The following ZFPM2 variants were observed in gnomAD, a reference collection of about 807,000 sequenced individuals.
ZFPM2 encodes zinc finger protein, FOG family member 2, also known as zinc finger protein ZFPM2.
Under a neutral mutation model 98.6 loss-of-function variants are expected in ZFPM2, and 20 were observed. The ratio of observed to expected loss-of-function variants is 0.20; its 90% CI spans 0.14 to 0.29. The LOEUF is 0.29. Ranked by LOEUF, ZFPM2 falls within the 10% of genes least tolerant of loss-of-function variation. The probability of loss-of-function intolerance (pLI) is 1.00; values close to 1 mark genes in which losing one functional copy is unlikely to be tolerated. For synonymous variants in ZFPM2, 518 were observed against 502.7 expected (o/e 1.03, Z -0.41); for missense variants, 1,310 against 1,388.6 (o/e 0.94, Z 0.90).
chr8:105,394,245 G>T (rs1016087413), intron 1 of ZFPM2, among the ~76,000 whole-genome samples: 2 of 152,074 alleles, frequency 1.3e-5, no homozygotes, highest in African/African-American at 4.8e-5. Context: ...TCCTGCAAGT[G>T]GGGAGTTTGG....
intron 2 of ZFPM2, among the ~76,000 whole-genome samples, chr8:105,425,779 C>T (rs1053278457): frequency 6.6e-6 from 1 of 152,258 alleles, no homozygotes; most frequent in Non-Finnish European, 1.5e-5. Flanking sequence ...CCTCCCTGCC[C>T]CTGGTCCCTG....
chr8:105,372,183 C>G (rs1810637208), intron 1 of ZFPM2, among the ~76,000 whole-genome samples: 1 of 152,016 alleles, frequency 6.6e-6, no homozygotes, highest in African/African-American at 2.4e-5. Flanking sequence ...GCTGGGACTA[C>G]AGGCACCTGC....
In ZFPM2 at chr8:105,788,826, T is replaced by G. The variant is rs1163765368; in HGVS notation, c.641T>G (p.Leu214Arg). Residue 214 changes from leucine to arginine, a missense_variant, in exon 6 of 8, where the codon CTC (leucine) becomes CGC (arginine). Physicochemically the swap from Leu to Arg is moderately radical, Grantham distance 102 (BLOSUM62 -2). Coordinates refer to ENST00000407775, the MANE Select transcript of ZFPM2 (RefSeq NM_012082.4). The stretch of plus-strand genomic sequence containing the variant: ...CTACAAGCTGCCAGTCAGATGACTC[T>G]CACAGAAGGGATGTACCCTGCACGC... ...SRLQAASQMT[L>R]TEGMYPARLL... 1.9e-6 allele frequency: 3 copies of G among 1,613,872 alleles called. No individual in the cohort carries two copies. Among genetic ancestry groups the G allele is most frequent in the Non-Finnish European group, 2.5e-6 (3 of 1,179,882 alleles).
intron 1 of ZFPM2, among the ~76,000 whole-genome samples, chr8:105,386,678 AC>A (rs1386886277): frequency 2.6e-5 from 4 of 151,984 alleles, no homozygotes; most frequent in African/African-American, 9.7e-5. Context: ...GTGGAAGGGG[AC>A]CCCAGCAGGT....
chr8:105,528,780 G>T (rs1201102140), intron 3 of ZFPM2: 1 of 152,056 alleles, frequency 6.6e-6, no homozygotes, highest in African/African-American at 2.4e-5. Context: ...AGGAAGAAGT[G>T]GAGATTCAAA....
intron 5 of ZFPM2, among the ~76,000 whole-genome samples, chr8:105,716,057 A>G (rs1436186444): frequency 6.6e-6 from 1 of 151,874 alleles, no homozygotes; most frequent in African/African-American, 2.4e-5. Context: ...TGCTGGCAGG[A>G]AAAAAGAATT....
At chr8:105,396,477 A>G (rs1413899032) in intron 1 of ZFPM2, among the ~76,000 whole-genome samples, 1 of 152,094 alleles carries the variant, frequency 6.6e-6, no homozygotes, top group Admixed American at 6.5e-5. Context: ...TAATATGTTC[A>G]TGTTGTGTTT....
intron 3 of ZFPM2, among the ~76,000 whole-genome samples, chr8:105,467,481 A>C (rs368073578): frequency 4.6e-5 from 7 of 152,232 alleles, no homozygotes; most frequent in African/African-American, 1.7e-4. Context: ...AAGCCCAGCG[A>C]GTTAGGAATC....
chr8:105,330,593 T>TATATAC (rs1491107072), intron 1 of ZFPM2, among the ~76,000 whole-genome samples: 23 of 40,416 alleles, frequency 5.7e-4, no homozygotes, highest in African/African-American at 1.9e-3. Context: ...TATATATATA[T>TATATAC]ACATATATAT....
intron 3 of ZFPM2, among the ~76,000 whole-genome samples, chr8:105,534,210 TCCTTCTTTTCTTCCTC>T (rs1814391734): frequency 4.5e-5 from 3 of 66,326 alleles, no homozygotes; most frequent in African/African-American, 2.4e-4. Flanking sequence ...CCTCCCTTCT[TCCTTCTTTTCTTCCTC>T]CCTTCCTCCC....
intron 1 of ZFPM2, among the ~76,000 whole-genome samples, chr8:105,323,254 T>C (rs1812061020): frequency 6.6e-6 from 1 of 151,938 alleles, no homozygotes; most frequent in Admixed American, 6.5e-5. Context: ...TTTGAAAACA[T>C]TGATCATTGT....
chr8:105,482,672 C>T (rs145280787), intron 3 of ZFPM2, among the ~76,000 whole-genome samples: 86 of 152,212 alleles, frequency 5.7e-4, no homozygotes, highest in African/African-American at 2.1e-3. Context: ...CATCTATAGT[C>T]TTCTTCCAAA....
At chr8:105,409,177 TG>T (rs896752304) in intron 1 of ZFPM2, among the ~76,000 whole-genome samples, 1 of 151,840 alleles carries the variant, frequency 6.6e-6, no homozygotes, top group African/African-American at 2.4e-5. Flanking sequence ...ATGAAGAGAA[TG>T]CTTTTGCTGT....
intron 5 of ZFPM2, among the ~76,000 whole-genome samples, chr8:105,696,908 GATAA>G (rs1811031217): frequency 6.6e-6 from 1 of 152,068 alleles, no homozygotes; most frequent in East Asian, 1.9e-4. Context: ...ATATAAATCA[GATAA>G]ATAAATTGGG....
At chr8:105,483,021 T>TCCTA (rs1813155083) in intron 3 of ZFPM2, among the ~76,000 whole-genome samples, 1 of 134,942 alleles carries the variant, frequency 7.4e-6, no homozygotes, top group Non-Finnish European at 1.6e-5. Context: ...CTTCCTTCCT[T>TCCTA]CCTTCCTTCC....
chr8:105,530,883 C>T (rs568865939), intron 3 of ZFPM2, among the ~76,000 whole-genome samples: 1 of 152,088 alleles, frequency 6.6e-6, no homozygotes, highest in Non-Finnish European at 1.5e-5. Flanking sequence ...AGCGGGCCAG[C>T]CTAATATGTT....
At chr8:105,772,897 T>TA (rs1181462157) in intron 5 of ZFPM2, among the ~76,000 whole-genome samples, 2 of 152,154 alleles carry the variant, frequency 1.3e-5, no homozygotes, top group Non-Finnish European at 2.9e-5. Context: ...AGGGGAAAGT[T>TA]ACATCTTTAT....
chr8:105,769,376 C>T (rs376393052), intron 5 of ZFPM2, among the ~76,000 whole-genome samples: 1 of 151,986 alleles, frequency 6.6e-6, no homozygotes, highest in Non-Finnish European at 1.5e-5. Context: ...CAGGTCCCTT[C>T]GAGGCTTTAC....
chr8:105,703,220 GATA>G (rs1345823891), intron 5 of ZFPM2, among the ~76,000 whole-genome samples: 2 of 152,074 alleles, frequency 1.3e-5, no homozygotes, highest in African/African-American at 2.4e-5. Flanking sequence ...ATTAATAATA[GATA>G]ATACCATAAC....
Sources: allele counts gnomAD v4.1 joint callset (sites outside exome capture counted in the v4.1 genomes callset), GRCh38; gene constraint gnomAD v4.1.1; transcripts MANE v1.5; gene names NCBI Gene and HGNC (gene_info 2026-07-23, HGNC 2026-07-21).